Variants in GNAO1 observed in about 807,000 individuals in gnomAD.
GNAO1 encodes guanine nucleotide-binding protein G(o) subunit alpha.
For missense variants in GNAO1, 166 were observed against 478.7 expected, an observed-to-expected ratio of 0.35 and a Z score of 6.10; for synonymous variants, 164 against 180.7, an observed-to-expected ratio of 0.91 and a Z score of 0.74.
chr16:56,351,672 C>T lies in GNAO1; in HGVS notation c.877+135C>T, dbSNP rs2037922643. 3.0e-6 allele frequency: 2 copies of T among 677,106 alleles called. No homozygotes were observed. The highest frequency in any genetic ancestry group is 2.8e-5 in the Admixed American group (1 of 36,266). The allele number at this position is 677,106 out of a possible 1,614,324, so 41.9% of individuals were successfully genotyped here. Reference sequence around the variant, plus strand: ...CCCATTGCAGGAGACTGGTGGGGCGCAAAAGAAAAACAGTGCTGTGCCACC... The same window carrying T: ...CCCATTGCAGGAGACTGGTGGGGCGTAAAAGAAAAACAGTGCTGTGCCACC... On this transcript the variant is annotated intron_variant, in intron 7 of 8. Transcript: ENST00000262493. This position sits in a 1 kb window ranked among gnomAD's most constrained non-coding sequence, Gnocchi z 6.1.
intron 2 of GNAO1, among the ~76,000 whole-genome samples, chr16:56,197,379 A>G (rs2143290265): frequency 6.6e-6 from 1 of 152,348 alleles, no homozygotes; most frequent in East Asian, 1.9e-4. Flanking sequence ...AAGAGTGCGA[A>G]CGGAATGTCA....
chr16:56,343,929 G>A (rs1289344419), intron 6 of GNAO1: 34 of 1,613,842 alleles, frequency 2.1e-5, no homozygotes, highest in Non-Finnish European at 2.7e-5. Context: ...CCAAAAACCT[G>A]CGGGGCTGTG....
intron 2 of GNAO1, among the ~76,000 whole-genome samples, chr16:56,266,834 C>T (rs1485317239): frequency 1.3e-5 from 2 of 152,112 alleles, no homozygotes; most frequent in African/African-American, 2.4e-5. Context: ...GGGTGTGCCC[C>T]ACTCTTAACA....
chr16:56,225,078 C>T (rs1355650867), intron 2 of GNAO1, among the ~76,000 whole-genome samples: 1 of 152,206 alleles, frequency 6.6e-6, no homozygotes, highest in African/African-American at 2.4e-5. Flanking sequence ...GGACAGGGTG[C>T]TAACCAGTAA....
intron 8 of GNAO1, chr16:56,355,856 G>A (rs1567498122): frequency 6.6e-6 from 1 of 152,184 alleles, no homozygotes; most frequent in Admixed American, 6.5e-5. Flanking sequence ...GGTGGGGAGC[G>A]AGGGGAACAG....
chr16:56,243,420 T>A (rs2036712788), intron 2 of GNAO1, among the ~76,000 whole-genome samples: 1 of 152,132 alleles, frequency 6.6e-6, no homozygotes, highest in Non-Finnish European at 1.5e-5. Flanking sequence ...GCAACTCATA[T>A]GTCTGATCAG....
At chr16:56,308,067 G>A (rs1437509726) in intron 3 of GNAO1, 2 of 152,246 alleles carry the variant, frequency 1.3e-5, no homozygotes, top group Non-Finnish European at 2.9e-5. Context: ...CCTTCCTGAG[G>A]GTAAATGACC....
intron 6 of GNAO1, chr16:56,344,128 G>A: frequency 6.9e-7 from 1 of 1,444,528 alleles, no homozygotes; most frequent in Non-Finnish European, 9.1e-7. Context: ...AGAACTTGTG[G>A]TAACGCAGGG....
intron 4 of GNAO1, among the ~76,000 whole-genome samples, chr16:56,333,296 T>A (rs2037708670): frequency 6.7e-6 from 1 of 148,910 alleles, no homozygotes. Flanking sequence ...CACTGCAACC[T>A]CCGCCTCCTG....
Position 56,357,039 on chromosome 16 carries a change from T to G in GNAO1, c.*965T>G, listed in dbSNP as rs2037976411. The G allele has an allele frequency of 6.6e-6, 1 of 150,980 alleles. No homozygotes were observed. The highest frequency in any genetic ancestry group is 2.4e-5 in the African/African-American group (1 of 41,140). 9.4% of individuals were successfully genotyped at this position (150,980 alleles called of 1,614,324 possible). A position where few individuals can be genotyped will look rare whatever the true frequency, so the allele number is the denominator to read the frequency against. On this transcript the variant is annotated 3_prime_UTR_variant, in exon 9 of 9. Transcript: ENST00000262493. ...AGACAAAAAGAACAAAAAAAAATTT[T>G]TAAATACCACAAGATGGAAAAAAAA...
chr16:56,321,431 TC>T (rs879913419), intron 3 of GNAO1, among the ~76,000 whole-genome samples: 2 of 152,156 alleles, frequency 1.3e-5, no homozygotes, highest in Non-Finnish European at 2.9e-5. Context: ...TGAGAGCCTC[TC>T]TTTCCTAATA....
intron 3 of GNAO1, among the ~76,000 whole-genome samples, chr16:56,290,683 G>A (rs1004048839): frequency 6.6e-6 from 1 of 152,172 alleles, no homozygotes; most frequent in Non-Finnish European, 1.5e-5. Flanking sequence ...CATGTGAGAG[G>A]GGGTGCCTCC....
intron 2 of GNAO1, among the ~76,000 whole-genome samples, chr16:56,274,707 G>T (rs904647332): frequency 6.6e-6 from 1 of 152,208 alleles, no homozygotes; most frequent in East Asian, 1.9e-4. Flanking sequence ...GAACTGTCCA[G>T]AATAGCCGAA....
intron 2 of GNAO1, among the ~76,000 whole-genome samples, chr16:56,249,748 C>T (rs1298106619): frequency 2.0e-5 from 3 of 152,180 alleles, no homozygotes; most frequent in Non-Finnish European, 4.4e-5. Flanking sequence ...CACCAGCTGG[C>T]TCCTCCCTGC....
Position 56,293,007 on chromosome 16 carries a change from T to C in GNAO1, c.303+16935T>C, listed in dbSNP as rs538570979. 1.5e-4 allele frequency among the ~76,000 whole-genome samples: 23 copies of C among 152,292 alleles called. No homozygotes were observed. In the East Asian group the frequency reaches 4.3e-3, roughly 28 times the overall value. On this transcript the variant is annotated intron_variant, in intron 3 of 8. Coordinates refer to ENST00000262493, the MANE Select transcript of GNAO1 (RefSeq NM_020988.3). ...CCACGTAGGCCCGAGCCAACTCCCC[T>C]GTGGTCAGTGGTTCAGCCTCAGCTG... is the stretch of plus-strand genomic sequence containing the variant.
Position 56,337,787 on chromosome 16 carries a change from C to T in GNAO1, c.723+927C>T, listed in dbSNP as rs146882751. On this transcript the variant is annotated intron_variant, in intron 6 of 8. Transcript: ENST00000262493. ...TTGCCCTGAGCCTGCAGGTCCACTGCGTGGTCCCCTTCTGGGCTGCAGCCC... is the reference window on the plus strand; with the variant it reads ...TTGCCCTGAGCCTGCAGGTCCACTGTGTGGTCCCCTTCTGGGCTGCAGCCC... 6.0e-3 allele frequency among the ~76,000 whole-genome samples: 914 copies of T among 152,286 alleles called. 2 individuals carry two copies. The highest frequency in any genetic ancestry group is 0.022 in the South Asian group (106 of 4,826).
At chr16:56,315,318 C>T (rs2143616379) in intron 3 of GNAO1, among the ~76,000 whole-genome samples, 1 of 152,318 alleles carries the variant, frequency 6.6e-6, no homozygotes, top group African/African-American at 2.4e-5. Flanking sequence ...TGACTGAGCT[C>T]TGTGTGGGTA....
At chr16:56,203,906 G>A (rs2036302783) in intron 2 of GNAO1, among the ~76,000 whole-genome samples, 1 of 152,168 alleles carries the variant, frequency 6.6e-6, no homozygotes, top group African/African-American at 2.4e-5. Context: ...GGAAGAGTAG[G>A]GCTAGATTAT....
intron 2 of GNAO1, among the ~76,000 whole-genome samples, chr16:56,241,450 A>C (rs1273553300): frequency 1.3e-5 from 2 of 152,172 alleles, no homozygotes; most frequent in Admixed American, 6.5e-5. Flanking sequence ...TCCATTGGGC[A>C]CTAGAACAGC....
Sources: gnomAD v4.1 joint callset for allele counts (sites outside exome capture counted in the v4.1 genomes callset) on GRCh38, gnomAD v4.1.1 for gene constraint, Gnocchi (gnomAD v3.1) non-coding constraint, MANE v1.5 for transcripts, NCBI Gene and HGNC (gene_info 2026-07-23, HGNC 2026-07-21) for gene names.